TAF1A: variants seen among roughly 807,000 people sequenced by gnomAD.
TAF1A encodes TATA-box binding protein associated factor, RNA polymerase I subunit A.
Under a neutral mutation model 61.6 loss-of-function variants are expected in TAF1A, and 42 were observed. The ratio of observed to expected loss-of-function variants is 0.68; its 90% confidence interval spans 0.53 to 0.88. TAF1A has a LOEUF of 0.88. Ranked by LOEUF, TAF1A falls within the 40% of genes least tolerant of loss-of-function variation. TAF1A has a pLI of 0.00. For synonymous variants in TAF1A, 179 were observed against 177.7 expected (o/e 1.01, Z -0.06); for missense variants, 424 against 518.7 (o/e 0.82, Z 1.77).
Position 222,584,207 on chromosome 1 carries a change from T to C in TAF1A, c.212A>G (p.Gln71Arg). ...ACTGTACATGTATTCTGCAGCTTGC[T>C]GCCATTGGTGCTTCAGCAGAGCTTC... Reference protein sequence around the residue: ...IQEALLKHQWQQAAEYMYSYF... With the variant: ...IQEALLKHQWRQAAEYMYSYF... The change falls in exon 3 of 11, where the codon CAG becomes CGG. Residue 71 changes from glutamine (Q) to arginine (R), a missense_variant. Gln to Arg is a conservative substitution (Grantham distance 43). Transcript: ENST00000352967. 1 of 1,613,228 alleles carries C rather than the reference T, an allele frequency of 6.2e-7. No homozygotes were observed. Among genetic ancestry groups the C allele is most frequent in the Non-Finnish European group, 8.5e-7 (1 of 1,179,758 alleles).
intron 5 of TAF1A, among the ~76,000 whole-genome samples, chr1:222,573,127 G>T (rs1660427710): frequency 6.6e-6 from 1 of 152,102 alleles, no homozygotes; most frequent in African/African-American, 2.4e-5. Flanking sequence ...AAATTAGCTG[G>T]GCGTGGTGGC....
intron 5 of TAF1A, among the ~76,000 whole-genome samples, chr1:222,574,681 T>C (rs1660496302): frequency 6.6e-6 from 1 of 152,198 alleles, no homozygotes; most frequent in African/African-American, 2.4e-5. Context: ...TCCAATAACA[T>C]GTATTATCTT....
intron 6 of TAF1A, 117 bp downstream of exon 6, chr1:222,570,418 T>C (rs952804568): frequency 1.1e-5 from 12 of 1,119,730 alleles, no homozygotes; most frequent in Admixed American, 1.1e-4. Flanking sequence ...TATTTTTGCT[T>C]TCTTTTAAAT....
chr1:222,575,274 A>C (rs1660522551), intron 5 of TAF1A, among the ~76,000 whole-genome samples: 1 of 152,092 alleles, frequency 6.6e-6, no homozygotes, highest in Non-Finnish European at 1.5e-5. Context: ...TAATCCTAGC[A>C]GTTTGGAAGG....
At chr1:222,557,471 A>C (rs948643087), downstream of TAF1A, among the ~76,000 whole-genome samples, 2 of 152,286 alleles carry the variant, frequency 1.3e-5, no homozygotes, top group East Asian at 3.9e-4. Flanking sequence ...TTTTTCTCCA[A>C]GACAGAGTCT....
intron 7 of TAF1A, among the ~76,000 whole-genome samples, chr1:222,566,377 G>A (rs142583416): frequency 6.6e-6 from 1 of 152,278 alleles, no homozygotes; most frequent in African/African-American, 2.4e-5. Flanking sequence ...TGAGGGTCAA[G>A]GATGGTTTCG....
intron 4 of TAF1A, 39 bp downstream of exon 4, chr1:222,579,720 A>G: frequency 6.3e-7 from 1 of 1,581,380 alleles, no homozygotes; most frequent in Non-Finnish European, 8.5e-7. Context: ...AAAAAAAAAG[A>G]ATACTGCAAG....
intron 9 of TAF1A, 96 bp from the exon 10 acceptor site, chr1:222,561,614 A>G: frequency 8.1e-7 from 1 of 1,241,942 alleles, no homozygotes. Flanking sequence ...AAAGATGACA[A>G]GGAAGATGCT....
intron 8 of TAF1A, 59 bp from the exon 9 acceptor site, chr1:222,563,355 T>G: frequency 6.5e-7 from 1 of 1,546,982 alleles, no homozygotes; most frequent in Non-Finnish European, 8.8e-7. Flanking sequence ...AAAGCTAAAA[T>G]TTACATGTAT....
At chr1:222,582,651 C>T (rs1016689565) in intron 3 of TAF1A, among the ~76,000 whole-genome samples, 1 of 152,162 alleles carries the variant, frequency 6.6e-6, no homozygotes, top group Non-Finnish European at 1.5e-5. Flanking sequence ...CACAAATGTT[C>T]GCAGAAGCAT....
Position 222,577,646 on chromosome 1 carries a change from G to A in TAF1A, c.406-3C>T. The A allele has an allele frequency of 6.2e-7, 1 of 1,612,974 alleles. No homozygotes were observed. Among genetic ancestry groups the A allele is most frequent in the Non-Finnish European group, 8.5e-7 (1 of 1,179,362 alleles). On this transcript the variant is annotated splice_region_variant and splice_polypyrimidine_tract_variant and intron_variant, in intron 4 of 10. Transcript: ENST00000352967. ...TATAATGCATGTTGTAAGGAGATCT[G>A]CAAAAATAATAAGGGTACACCGCCA...
At chr1:222,564,588 T>C (rs1307001057) in intron 7 of TAF1A, among the ~76,000 whole-genome samples, 1 of 152,154 alleles carries the variant, frequency 6.6e-6, no homozygotes, top group Admixed American at 6.5e-5. Flanking sequence ...ATTTCACAGA[T>C]TGTGCTCAGG....
chr1:222,569,733 A>G, intron 6 of TAF1A, 65 bp from the exon 7 acceptor site: 1 of 1,422,976 alleles, frequency 7.0e-7, no homozygotes. Context: ...AAAATAATAC[A>G]CAGCATAAGT....
chr1:222,577,386 T>TAAGGAG, intron 5 of TAF1A, 59 bp downstream of exon 5: 1 of 1,416,078 alleles, frequency 7.1e-7, no homozygotes, highest in Non-Finnish European at 9.9e-7. Context: ...AGATTACTCC[T>TAAGGAG]TAAGATCCCT....
intron 10 of TAF1A, among the ~76,000 whole-genome samples, chr1:222,559,577 A>G (rs1459995470): frequency 6.6e-6 from 1 of 152,242 alleles, no homozygotes; most frequent in Non-Finnish European, 1.5e-5. Flanking sequence ...TTCAGCTTGT[A>G]TGCATCCATC....
intron 5 of TAF1A, among the ~76,000 whole-genome samples, chr1:222,571,041 A>C (rs1008468280): frequency 2.0e-5 from 3 of 152,216 alleles, no homozygotes; most frequent in Admixed American, 6.5e-5. Context: ...CTAGGAATGC[A>C]AGGTTGGCTT....
intron 7 of TAF1A, 100 bp downstream of exon 7, chr1:222,569,410 A>G: frequency 1.2e-6 from 2 of 1,605,158 alleles, no homozygotes; most frequent in Non-Finnish European, 1.7e-6. Context: ...ACATTATTGA[A>G]ATTTTCTGTA....
At chr1:222,555,514 T>C (rs2102630028), downstream of TAF1A, among the ~76,000 whole-genome samples, 1 of 152,216 alleles carries the variant, frequency 6.6e-6, no homozygotes, top group African/African-American at 2.4e-5. Context: ...CTGAGTCCAA[T>C]TCATAGAAGC....
rs557998183 is a variant in TAF1A at position 222,570,776 on chromosome 1, C to T, written c.605-111G>A. The T allele has an allele frequency of 2.8e-5, 27 of 971,186 alleles. No homozygotes were observed. The African/African-American group carries it at 3.1e-4, about 11-fold the overall frequency. 60.2% of individuals were successfully genotyped at this position (971,186 alleles called of 1,614,324 possible). ...AAAACTCAGTTGCTGATAGCTACAA[C>T]AGTAAATTCCAACAAATATTTAAAG... On this transcript the variant is annotated intron_variant, in intron 5 of 10. Coordinates refer to ENST00000352967, the MANE Select transcript of TAF1A (RefSeq NM_005681.4).
Sources: gnomAD v4.1 joint callset for allele counts (sites outside exome capture counted in the v4.1 genomes callset) on GRCh38, gnomAD v4.1.1 for gene constraint, MANE v1.5 for transcripts, NCBI Gene and HGNC (gene_info 2026-07-23, HGNC 2026-07-21) for gene names.